Variants in MYO18A observed in about 807,000 individuals in gnomAD.
The protein encoded by MYO18A is unconventional myosin-XVIIIa.
Under a neutral mutation model 235.8 loss-of-function variants are expected in MYO18A, and 78 were observed. The ratio of observed to expected loss-of-function variants is 0.33; its 90% CI spans 0.28 to 0.40. The LOEUF (loss-of-function observed/expected upper bound fraction) is 0.40. Among genes scored for constraint, MYO18A ranks in the 10% least tolerant of loss-of-function variants. MYO18A has a pLI of 1.00. For synonymous variants in MYO18A, 977 were observed against 1,077.8 expected, an observed-to-expected ratio of 0.91 and a Z score of 1.83; for missense variants, 2,215 against 2,699.3, an observed-to-expected ratio of 0.82 and a Z score of 3.98.
intron 2 of MYO18A, among the ~76,000 whole-genome samples, chr17:29,152,932 C>G (rs1412684508): frequency 2.0e-5 from 3 of 152,122 alleles, no homozygotes; most frequent in African/African-American, 7.2e-5. Context: ...GCAGGCTGGT[C>G]TTGAACTCCT....
intron 1 of MYO18A, among the ~76,000 whole-genome samples, chr17:29,172,113 TA>T (rs1163333594): frequency 1.3e-5 from 2 of 151,668 alleles, no homozygotes; most frequent in African/African-American, 4.9e-5. Context: ...GCAAGCAACA[TA>T]AAGATAAGTA....
chr17:29,133,838 G>T (rs2067532300), intron 2 of MYO18A: 1 of 1,289,258 alleles, frequency 7.8e-7, no homozygotes, highest in Non-Finnish European at 1.0e-6. Flanking sequence ...AAAGGCCATG[G>T]CGCTGAAGGT....
At chr17:29,101,944 C>T (rs988890127) in intron 21 of MYO18A, among the ~76,000 whole-genome samples, 6 of 152,176 alleles carry the variant, frequency 3.9e-5, no homozygotes, top group African/African-American at 1.4e-4. Flanking sequence ...TCTGAGCCCC[C>T]CCAGAGTCCT....
rs955697738 is a variant in MYO18A, at chr17:29,120,933, G to A, written c.1585+65C>T. The A allele has an allele frequency of 2.6e-6, 4 of 1,567,010 alleles. No individual in the cohort carries two copies. The highest frequency in any genetic ancestry group is 3.5e-6 in the Non-Finnish European group (4 of 1,152,792). ...GAGAAAAAGAGCTGGCACTTAAGAG[G>A]GTGCTCTCTCCTCACTCCCCTCCCC... On this transcript the variant is annotated intron_variant, in intron 6 of 41. Transcript: ENST00000527372. The surrounding 1 kb of genome is among the most constrained non-coding windows in gnomAD (Gnocchi z 4.2).
chr17:29,130,320 A>AAAAG (rs1456262209), intron 2 of MYO18A, among the ~76,000 whole-genome samples: 1 of 151,054 alleles, frequency 6.6e-6, no homozygotes, highest in African/African-American at 2.4e-5. Context: ...AAAAAAAAAA[A>AAAAG]AAAGAAAAGA....
At chr17:29,165,778 C>A (rs1405338550) in intron 2 of MYO18A, among the ~76,000 whole-genome samples, 164 bp downstream of exon 2, 2 of 152,178 alleles carry the variant, frequency 1.3e-5, no homozygotes, top group African/African-American at 4.8e-5. Flanking sequence ...GGCACCTTCT[C>A]CTGAGTTCAT....
In MYO18A at chr17:29,109,941, C is replaced by G. The variant is rs2066887660; in HGVS notation, c.3248G>C (p.Gly1083Ala). 1 of 1,605,090 alleles carries G rather than the reference C, an allele frequency of 6.2e-7. No individual in the cohort carries two copies. Among genetic ancestry groups the G allele is most frequent in the Non-Finnish European group, 8.5e-7 (1 of 1,176,192 alleles). ...DLPSGDHCEA[G>A]LLQLDVPLLR... ...CAGGGGCACGTCGAGCTGCAGGAGC[C>G]CAGCCTCGCAGTGGTCTCCCGAGGG... Residue 1083 changes from glycine to alanine, a missense_variant, in exon 19 of 42, where the codon GGG (glycine) becomes GCG (alanine). By Grantham distance (60) the Gly-to-Ala change is moderately conservative (BLOSUM62 0). Coordinates refer to ENST00000527372, the MANE Select transcript of MYO18A (RefSeq NM_078471.4). This position sits in a 1 kb window ranked among gnomAD's most constrained non-coding sequence, Gnocchi z 4.1.
chr17:29,089,476 T>A (rs1312222585), intron 37 of MYO18A, among the ~76,000 whole-genome samples: 46 of 50,446 alleles, frequency 9.1e-4, no homozygotes, highest in Admixed American at 1.5e-3. Flanking sequence ...AGGATCATAA[T>A]CAAGAAAAAG....
chr17:29,076,362 A>G (rs987701939), intron 41 of MYO18A: 1 of 150,670 alleles, frequency 6.6e-6, no homozygotes, highest in Non-Finnish European at 1.5e-5. Context: ...AAAAAGGACC[A>G]AACCTGAATT....
In MYO18A at chr17:29,098,947, C is replaced by T. The variant is rs1370022888; in HGVS notation, c.3659G>A (p.Cys1220Tyr). Residue 1220 changes from cysteine to tyrosine, a missense_variant, in exon 23 of 42, where the codon TGT (cysteine) becomes TAT (tyrosine). Transcript: ENST00000527372. ...GTTCTTCTTGATGTTCTTCTGTACA[C>T]AGCGAATGGCCAGGTCCTGGATCTG... ...KRKIQDLAIRCVQKNIKKNKG... is the reference protein window; with the variant it reads ...KRKIQDLAIRYVQKNIKKNKG... 5 of 1,613,622 alleles carry T rather than the reference C, an allele frequency of 3.1e-6. No homozygotes were observed. Among genetic ancestry groups the T allele is most frequent in the Non-Finnish European group, 4.2e-6 (5 of 1,179,828 alleles).
Position 29,122,312 on chromosome 17 carries a change from C to T in MYO18A, c.1000-59G>A, listed in dbSNP as rs763029833. The stretch of plus-strand genomic sequence containing the variant: ...CTATGGAAGACAGGGACAAGGACAG[C>T]CGTAGAGGGGAGACAAGTGAGGGCA... On this transcript the variant is annotated intron_variant, in intron 2 of 41. Coordinates refer to ENST00000527372, the MANE Select transcript of MYO18A (RefSeq NM_078471.4). 1.7e-5 allele frequency: 26 copies of T among 1,501,074 alleles called. No homozygotes were observed. The Middle Eastern group carries it at 1.2e-3, about 68-fold the overall frequency. The allele number at this position is 1,501,074 out of a possible 1,614,324, so 93.0% of individuals were successfully genotyped here. A position where few individuals can be genotyped will look rare whatever the true frequency, so the allele number is the denominator to read the frequency against.
Position 29,120,891 on chromosome 17 carries a change from G to T in MYO18A, c.1585+107C>A. ...TGCCCGTGGACAGAGGGGTTTCGGG[G>T]GGATGGAAAGGCCAGGGAGAAAAAG... On this transcript the variant is annotated intron_variant, in intron 6 of 41. Coordinates refer to ENST00000527372, the MANE Select transcript of MYO18A (RefSeq NM_078471.4). This position sits in a 1 kb window ranked among gnomAD's most constrained non-coding sequence, Gnocchi z 4.2. 6.4e-7 allele frequency: 1 copy of T among 1,556,408 alleles called. No homozygotes were observed. Among genetic ancestry groups the T allele is most frequent in the Non-Finnish European group, 8.7e-7 (1 of 1,144,306 alleles).
At chr17:29,173,061 T>C (rs1262450604) in intron 1 of MYO18A, among the ~76,000 whole-genome samples, 1 of 151,808 alleles carries the variant, frequency 6.6e-6, no homozygotes, top group Non-Finnish European at 1.5e-5. Context: ...CACAAATTGG[T>C]AGGTTGGTGC....
At chr17:29,160,987 G>A (rs2068159651) in intron 2 of MYO18A, among the ~76,000 whole-genome samples, 1 of 152,204 alleles carries the variant, frequency 6.6e-6, no homozygotes, top group African/African-American at 2.4e-5. Context: ...GAGGCCTGAG[G>A]CAGGTAGATA....
At chr17:29,128,145 C>T (rs2067370219) in intron 2 of MYO18A, 10 of 1,113,640 alleles carry the variant, frequency 9.0e-6, no homozygotes, top group Non-Finnish European at 1.1e-5. Context: ...AGGGAGAGCT[C>T]ATCCTTGGCT....
intron 2 of MYO18A, among the ~76,000 whole-genome samples, chr17:29,163,303 T>C (rs1461128914): frequency 2.0e-5 from 3 of 152,178 alleles, no homozygotes; most frequent in South Asian, 4.1e-4. Flanking sequence ...CTCCCAGCCC[T>C]GTCCCAGGAA....
At position 29,073,918 on chromosome 17, in the gene MYO18A, G is replaced by A. The variant is rs2065918261; in HGVS notation, c.*852C>T. On this transcript the variant is annotated 3_prime_UTR_variant, in exon 42 of 42. Transcript: ENST00000527372. ...GACCACCTGGACAGAGCAGGAGGGA[G>A]GCAGTGCTTGGATCAGCCCTGAACT... is the stretch of plus-strand genomic sequence containing the variant. 1 of 1,613,948 alleles carries A rather than the reference G, an allele frequency of 6.2e-7. No homozygotes were observed.
intron 30 of MYO18A, among the ~76,000 whole-genome samples, 162 bp downstream of exon 30, chr17:29,094,488 C>G (rs1019623024): frequency 1.3e-5 from 2 of 152,254 alleles, no homozygotes; most frequent in Non-Finnish European, 2.9e-5. Context: ...CACACTGTGG[C>G]TGGCACAGAT....
At chr17:29,108,143 T>C (rs2152815481) in intron 19 of MYO18A, among the ~76,000 whole-genome samples, 1 of 152,170 alleles carries the variant, frequency 6.6e-6, no homozygotes, top group South Asian at 2.1e-4. Flanking sequence ...TGTGACTCAC[T>C]TGGTTGGCAT....
Sources: allele counts gnomAD v4.1 joint callset (sites outside exome capture counted in the v4.1 genomes callset), GRCh38; gene constraint gnomAD v4.1.1; non-coding constraint Gnocchi (gnomAD v3.1); transcripts MANE v1.5; gene names NCBI Gene and HGNC (gene_info 2026-07-23, HGNC 2026-07-21).